TAFA2: variants seen among roughly 807,000 people sequenced by gnomAD.
TAFA2 encodes the protein chemokine-like protein TAFA-2.
Under a neutral mutation model 18.8 loss-of-function variants are expected in TAFA2, and 7 were observed. The ratio of observed to expected loss-of-function variants is 0.37; its 90% CI spans 0.21 to 0.70. The LOEUF is 0.70. TAFA2 is among the 30% of genes least tolerant of loss of function. The probability of loss-of-function intolerance (pLI) is 0.53; values close to 1 mark genes in which losing one functional copy is unlikely to be tolerated. For missense variants in TAFA2, 122 were observed against 158.1 expected (o/e 0.77, Z 1.23); for synonymous variants, 60 against 54.2 (o/e 1.11, Z -0.47).
At chr12:61,867,451 T>G (rs758978895) in intron 1 of TAFA2, 25 bp from the exon 2 acceptor site, 1 of 1,379,716 alleles carries the variant, frequency 7.2e-7, no homozygotes, top group Non-Finnish European at 1.0e-6. Context: ...ATAATAAAAA[T>G]CATAAGTATG....
chr12:62,037,761 C>A (rs1427328472), intron 1 of TAFA2, among the ~76,000 whole-genome samples: 2 of 152,144 alleles, frequency 1.3e-5, no homozygotes, highest in Non-Finnish European at 2.9e-5. Context: ...AATGGTCATA[C>A]AATAATTATT....
At chr12:62,008,983 T>C (rs1257852892) in intron 1 of TAFA2, among the ~76,000 whole-genome samples, 1 of 152,212 alleles carries the variant, frequency 6.6e-6, no homozygotes, top group Admixed American at 6.5e-5. Context: ...TAGTAAATTT[T>C]TGTAACTTAA....
rs1869268343 is a variant in TAFA2 at position 61,709,019 on chromosome 12, A to G, written c.*1387T>C. 1 of 152,564 alleles carries G rather than the reference A, an allele frequency of 6.6e-6. No individual in the cohort carries two copies. The highest frequency in any genetic ancestry group is 1.5e-5 in the Non-Finnish European group (1 of 68,004). The allele number at this position is 152,564 out of a possible 1,614,324, so 9.5% of individuals were successfully genotyped here. A position where few individuals can be genotyped will look rare whatever the true frequency, so the allele number is the denominator to read the frequency against. On this transcript the variant is annotated 3_prime_UTR_variant, in exon 5 of 5. Transcript: ENST00000416284. ...TTCTGAACAGCCTAAAATGAGTAAAACACAGAAATCCTTCTCCTTGCATTC... is the reference window on the plus strand; with the variant it reads ...TTCTGAACAGCCTAAAATGAGTAAAGCACAGAAATCCTTCTCCTTGCATTC...
At chr12:61,957,762 A>G (rs1878748484) in intron 1 of TAFA2, among the ~76,000 whole-genome samples, 1 of 152,080 alleles carries the variant, frequency 6.6e-6, no homozygotes, top group African/African-American at 2.4e-5. Context: ...ATGGTTTTGA[A>G]AAACAACATG....
At chr12:62,085,695 G>T (rs1868422421) in intron 1 of TAFA2, among the ~76,000 whole-genome samples, 1 of 152,076 alleles carries the variant, frequency 6.6e-6, no homozygotes, top group East Asian at 1.9e-4. Context: ...TCAAAAAGTA[G>T]AATAGGTACC....
At chr12:61,729,537 C>A (rs1307787786) in intron 4 of TAFA2, among the ~76,000 whole-genome samples, 1 of 151,812 alleles carries the variant, frequency 6.6e-6, no homozygotes, top group Non-Finnish European at 1.5e-5. Flanking sequence ...GTGTATTTTG[C>A]ATTTTTCTAA....
intron 1 of TAFA2, among the ~76,000 whole-genome samples, chr12:62,119,886 C>A (rs898332058): frequency 9.9e-5 from 15 of 151,822 alleles, no homozygotes; most frequent in Admixed American, 9.9e-4. Flanking sequence ...CCAGCCTGAC[C>A]AACATGGAGA....
At chr12:61,836,756 T>TATATATATATATACAC (rs68158949) in intron 2 of TAFA2, among the ~76,000 whole-genome samples, 3 of 119,842 alleles carry the variant, frequency 2.5e-5, no homozygotes, top group African/African-American at 8.3e-5. Flanking sequence ...TATATATATA[T>TATATATATATATACAC]ACACACACAC....
At chr12:61,907,403 C>A (rs529350772) in intron 1 of TAFA2, among the ~76,000 whole-genome samples, 30 of 152,284 alleles carry the variant, frequency 2.0e-4, no homozygotes, top group African/African-American at 6.7e-4. Context: ...GGGTGCAAGC[C>A]CCAAGTCTTG....
At chr12:62,193,421 T>C (rs781085500), upstream of TAFA2, among the ~76,000 whole-genome samples, 4 of 152,214 alleles carry the variant, frequency 2.6e-5, no homozygotes, top group Admixed American at 6.5e-5. Context: ...TGCTTTTATA[T>C]AGCTGTGATT....
intron 2 of TAFA2, among the ~76,000 whole-genome samples, chr12:61,839,446 C>T (rs1037297302): frequency 3.9e-5 from 6 of 152,036 alleles, no homozygotes; most frequent in African/African-American, 1.4e-4. Context: ...AACACACATG[C>T]CCTTGCATGT....
At chr12:61,834,168 C>T (rs1250058454) in intron 2 of TAFA2, among the ~76,000 whole-genome samples, 1 of 152,052 alleles carries the variant, frequency 6.6e-6, no homozygotes, top group South Asian at 2.1e-4. Flanking sequence ...TCACAAGCAC[C>T]ATAAATCAAC....
At chr12:61,797,843 C>T (rs1203058538) in intron 2 of TAFA2, among the ~76,000 whole-genome samples, 1 of 152,184 alleles carries the variant, frequency 6.6e-6, no homozygotes, top group Non-Finnish European at 1.5e-5. Context: ...CAAGAGTTTG[C>T]TGTCAGTCTA....
chr12:61,875,619 A>G (rs1025195276), intron 1 of TAFA2, among the ~76,000 whole-genome samples: 3 of 152,186 alleles, frequency 2.0e-5, no homozygotes, highest in Admixed American at 6.6e-5. Flanking sequence ...TTAATATGAA[A>G]TGTATGTGTC....
At chr12:62,071,073 C>T (rs151097825) in intron 1 of TAFA2, among the ~76,000 whole-genome samples, 2 of 152,314 alleles carry the variant, frequency 1.3e-5, no homozygotes, top group East Asian at 3.9e-4. Context: ...AAACCTCTTG[C>T]AGACACAGTT....
chr12:61,835,964 T>C (rs903029622), intron 2 of TAFA2, among the ~76,000 whole-genome samples: 8 of 152,022 alleles, frequency 5.3e-5, no homozygotes, highest in Non-Finnish European at 4.4e-5. Context: ...ATCTTAAGTA[T>C]GGAAATAATG....
intron 1 of TAFA2, among the ~76,000 whole-genome samples, chr12:62,029,567 A>C (rs918212644): frequency 1.3e-5 from 2 of 152,154 alleles, no homozygotes; most frequent in African/African-American, 4.8e-5. Flanking sequence ...GTATCAGAAA[A>C]TATGGCAGAA....
At chr12:61,865,078 T>C (rs924096856) in intron 2 of TAFA2, among the ~76,000 whole-genome samples, 1 of 152,178 alleles carries the variant, frequency 6.6e-6, no homozygotes, top group Non-Finnish European at 1.5e-5. Context: ...TTTTCATTTA[T>C]ATATAGAAGA....
chr12:61,977,042 A>G (rs967918822), intron 1 of TAFA2, among the ~76,000 whole-genome samples: 7 of 152,082 alleles, frequency 4.6e-5, no homozygotes, highest in Non-Finnish European at 1.5e-5. Context: ...TATACCCAGT[A>G]ATGGGATGGC....
Sources: gnomAD v4.1 joint callset for allele counts (sites outside exome capture counted in the v4.1 genomes callset) on GRCh38, gnomAD v4.1.1 for gene constraint, MANE v1.5 for transcripts, NCBI Gene and HGNC (gene_info 2026-07-23, HGNC 2026-07-21) for gene names.